Variants in ERGIC1 observed in about 807,000 individuals in gnomAD.
ERGIC1 encodes endoplasmic reticulum-Golgi intermediate compartment protein 1.
A neutral mutation model predicts 38.3 loss-of-function variants in ERGIC1; 19 were observed. That is an observed-to-expected ratio of 0.50 (90% CI 0.35 to 0.73). ERGIC1 has a LOEUF of 0.73. Ranked by LOEUF, ERGIC1 falls within the 30% of genes least tolerant of loss-of-function variation. ERGIC1 has a pLI of 0.01. For synonymous variants in ERGIC1, 124 were observed against 157.6 expected (o/e 0.79, Z 1.60); for missense variants, 294 against 389.2 (o/e 0.76, Z 2.06).
intron 2 of ERGIC1, among the ~76,000 whole-genome samples, chr5:172,891,270 G>T (rs1561720119): frequency 6.6e-6 from 1 of 152,090 alleles, no homozygotes; most frequent in Admixed American, 6.5e-5. Context: ...AAGAGCCTTG[G>T]TAGTTTATGA....
rs139861235 is a variant in ERGIC1 at position 172,940,084 on chromosome 5, C to T, written c.765+4774C>T. The stretch of plus-strand genomic sequence containing the variant: ...CTTAGGTCGGGATGTCGTCATGTGG[C>T]GGCTGCGGGGCTGGGAGGCAGCTGT... On this transcript the variant is annotated intron_variant, in intron 9 of 9. Transcript: ENST00000393784. 4.0e-3 allele frequency among the ~76,000 whole-genome samples: 597 copies of T among 150,516 alleles called. 2 individuals carry two copies. The highest frequency in any genetic ancestry group is 0.013 in the African/African-American group (539 of 41,226).
intron 1 of ERGIC1, among the ~76,000 whole-genome samples, chr5:172,864,532 T>C (rs980553221): frequency 1.3e-5 from 2 of 151,944 alleles, no homozygotes; most frequent in African/African-American, 2.4e-5. Flanking sequence ...GAAGGATAAA[T>C]ACCACATTTA....
chr5:172,875,831 G>A (rs552098811), intron 1 of ERGIC1, among the ~76,000 whole-genome samples: 1 of 152,286 alleles, frequency 6.6e-6, no homozygotes, highest in South Asian at 2.1e-4. Context: ...AGATTTTCCT[G>A]CCTTGGGATA....
intron 1 of ERGIC1, among the ~76,000 whole-genome samples, chr5:172,838,668 G>A (rs142222946): frequency 3.4e-4 from 52 of 152,224 alleles, no homozygotes; most frequent in Non-Finnish European, 6.8e-4. Context: ...CTGGCCTCAA[G>A]TCATCCTCCT....
chr5:172,920,328 G>A (rs1763478461), intron 5 of ERGIC1: 1 of 717,688 alleles, frequency 1.4e-6, no homozygotes, highest in African/African-American at 1.7e-5. Flanking sequence ...GCATCAGGCT[G>A]AGACTTGTCC....
At chr5:172,874,990 T>C (rs1421398412) in intron 1 of ERGIC1, among the ~76,000 whole-genome samples, 1 of 151,226 alleles carries the variant, frequency 6.6e-6, no homozygotes, top group African/African-American at 2.4e-5. Flanking sequence ...GAGATGACAT[T>C]TGAAAATAGA....
At chr5:172,878,655 A>C (rs987228173) in intron 1 of ERGIC1, among the ~76,000 whole-genome samples, 1 of 152,042 alleles carries the variant, frequency 6.6e-6, no homozygotes, top group African/African-American at 2.4e-5. Flanking sequence ...CTTTGGACAG[A>C]GGGAGAGAGT....
Position 172,950,726 on chromosome 5 carries a change from C to T in ERGIC1, c.783C>T (p.Gly261=), listed in dbSNP as rs149429876. The T allele has an allele frequency of 2.4e-5, 39 of 1,612,558 alleles. No homozygotes were observed. In the Middle Eastern group the frequency reaches 5.0e-4, roughly 20 times the overall value. The change falls in exon 10 of 10, where the codon GGC becomes GGT. Residue 261 remains glycine, a synonymous_variant. Transcript: ENST00000393784. ...RFITTICAII[G]GTFTVAGILD... Reference sequence around the variant, plus strand: ...TCTTGCAGATCTGTGCCATCATTGGCGGGACCTTCACCGTCGCCGGCATCC... The same window carrying T: ...TCTTGCAGATCTGTGCCATCATTGGTGGGACCTTCACCGTCGCCGGCATCC...
At position 172,837,526 on chromosome 5, in the gene ERGIC1, A is replaced by G. The variant is rs2113502110; in HGVS notation, c.20+3093A>G. On this transcript the variant is annotated intron_variant, in intron 1 of 9. Coordinates refer to ENST00000393784, the MANE Select transcript of ERGIC1 (RefSeq NM_001031711.3). This position sits in a 1 kb window ranked among gnomAD's most constrained non-coding sequence, Gnocchi z 4.3. ...CTTCAAGGTTGCATCTCCAGCACCTAGAACTGTGCTTGAGCCAAACTCGAT... is the reference window on the plus strand; with the variant it reads ...CTTCAAGGTTGCATCTCCAGCACCTGGAACTGTGCTTGAGCCAAACTCGAT... Among the ~76,000 whole-genome samples the G allele has an allele frequency of 6.6e-6, 1 of 152,358 alleles. No individual in the cohort carries two copies. Among genetic ancestry groups the G allele is most frequent in the African/African-American group, 2.4e-5 (1 of 41,588 alleles).
intron 1 of ERGIC1, among the ~76,000 whole-genome samples, chr5:172,888,348 T>C (rs1762472416): frequency 2.0e-5 from 3 of 151,892 alleles, no homozygotes; most frequent in Non-Finnish European, 4.4e-5. Context: ...TAGTCCCAGC[T>C]ACTTGGGAGG....
At chr5:172,870,465 GTC>G (rs1231194298) in intron 1 of ERGIC1, among the ~76,000 whole-genome samples, 1 of 152,174 alleles carries the variant, frequency 6.6e-6, no homozygotes, top group African/African-American at 2.4e-5. Flanking sequence ...AGGCCTGGCT[GTC>G]TCTCATTTGC....
At chr5:172,919,476 G>A (rs944042254) in intron 5 of ERGIC1, among the ~76,000 whole-genome samples, 2 of 152,162 alleles carry the variant, frequency 1.3e-5, no homozygotes, top group Middle Eastern at 3.2e-3. Context: ...ACACGCCCAA[G>A]ACTGCAGTCT....
chr5:172,897,442 AAAG>A (rs1353769026), intron 3 of ERGIC1, among the ~76,000 whole-genome samples: 2 of 139,908 alleles, frequency 1.4e-5, no homozygotes, highest in Non-Finnish European at 3.0e-5. Flanking sequence ...AAAAAAAAAA[AAAG>A]AGAGAGAGAG....
chr5:172,834,272 A>T lies in ERGIC1; in HGVS notation c.-142A>T. On this transcript the variant is annotated 5_prime_UTR_variant, in exon 1 of 10. Transcript: ENST00000393784. The surrounding 1 kb of genome is among the most constrained non-coding windows in gnomAD (Gnocchi z 4.1). ...CGTCACTTCCCGGCAGCGGGAGGCGAGTGGCGAGTGGCGAGTGGCGAGTGT... is the reference window on the plus strand; with the variant it reads ...CGTCACTTCCCGGCAGCGGGAGGCGTGTGGCGAGTGGCGAGTGGCGAGTGT... 1.4e-6 allele frequency: 1 copy of T among 713,838 alleles called. No homozygotes were observed. The highest frequency in any genetic ancestry group is 1.8e-6 in the Non-Finnish European group (1 of 551,068). The allele number at this position is 713,838 out of a possible 1,614,324, so 44.2% of individuals were successfully genotyped here.
Position 172,935,135 on chromosome 5 carries a change from C to T in ERGIC1, c.643-53C>T, listed in dbSNP as rs148095919. 7.5e-4 allele frequency: 1,206 copies of T among 1,612,158 alleles called. 11 individuals carry two copies. The African/African-American group carries it at 0.012, about 17-fold the overall frequency. On this transcript the variant is annotated intron_variant, in intron 8 of 9. Transcript: ENST00000393784. ...GGGGGGCCCTCTGCAATCCAGTCCC[C>T]GCCCCCCCTGAGACACAGTTTGTAC...
chr5:172,878,303 C>G (rs1439473284), intron 1 of ERGIC1, among the ~76,000 whole-genome samples: 2 of 152,142 alleles, frequency 1.3e-5, no homozygotes, highest in Admixed American at 1.3e-4. Context: ...TCTCATAAAT[C>G]CAGGCCTTCA....
chr5:172,946,771 ACCT>A (rs1764131519), intron 9 of ERGIC1, among the ~76,000 whole-genome samples: 1 of 152,064 alleles, frequency 6.6e-6, no homozygotes, highest in Non-Finnish European at 1.5e-5. Context: ...CATGCCAGTC[ACCT>A]CCTACTGACT....
chr5:172,913,334 A>G (rs536777124), intron 4 of ERGIC1, among the ~76,000 whole-genome samples: 1 of 152,250 alleles, frequency 6.6e-6, no homozygotes, highest in Non-Finnish European at 1.5e-5. Flanking sequence ...GCAGCTTTGC[A>G]CACACATCTG....
chr5:172,881,417 C>G (rs768510374), intron 1 of ERGIC1, among the ~76,000 whole-genome samples: 6 of 152,146 alleles, frequency 3.9e-5, no homozygotes, highest in Non-Finnish European at 8.8e-5. Context: ...CATTCATGGA[C>G]TCAGTTCCCC....
Sources: gnomAD v4.1 joint callset for allele counts (sites outside exome capture counted in the v4.1 genomes callset) on GRCh38, gnomAD v4.1.1 for gene constraint, Gnocchi (gnomAD v3.1) non-coding constraint, MANE v1.5 for transcripts, NCBI Gene and HGNC (gene_info 2026-07-23, HGNC 2026-07-21) for gene names.